The following WAC variants were observed in gnomAD, a reference collection of about 807,000 sequenced individuals.
WAC encodes the protein WW domain containing adaptor with coiled-coil, also known as WW domain-containing adapter protein with coiled-coil.
WAC carries 11 observed loss-of-function variants against 79.6 expected under a neutral mutation model. The observed-to-expected ratio is 0.14, with a 90% CI of 0.09 to 0.23. WAC has a LOEUF of 0.23. Ranked by LOEUF, WAC falls within the 10% of genes least tolerant of loss-of-function variation. The pLI, the probability that WAC is intolerant of heterozygous loss-of-function variation, is 1.00. For synonymous variants in WAC, 304 were observed against 276.9 expected, an observed-to-expected ratio of 1.10 and a Z score of -0.97; for missense variants, 728 against 773.5, an observed-to-expected ratio of 0.94 and a Z score of 0.70.
rs769642563 is a variant in WAC, at chr10:28,590,833, G to GT, written c.610+2dup. The GT allele has an allele frequency of 6.2e-7, 1 of 1,603,082 alleles. No individual in the cohort carries two copies. Among genetic ancestry groups the GT allele is most frequent in the East Asian group, 2.2e-5 (1 of 44,636 alleles). On this transcript the variant is annotated splice_donor_variant, in intron 6 of 13. Transcript: ENST00000354911. LOFTEE classifies it high-confidence loss of function. ...GCCACTAGTGGGTTTGCCAGTGGAA[G>GT]TAAGTATTAATTTTTTTTCTTTGAA...
At chr10:28,604,748 C>T (rs1840853100) in intron 7 of WAC, among the ~76,000 whole-genome samples, 1 of 152,106 alleles carries the variant, frequency 6.6e-6, no homozygotes, top group African/African-American at 2.4e-5. Context: ...CACAATTCCT[C>T]TCCCGAGGAA....
chr10:28,606,023 CATAAAATACA>C (rs1009394836), intron 7 of WAC, among the ~76,000 whole-genome samples: 1 of 151,092 alleles, frequency 6.6e-6, no homozygotes, highest in Admixed American at 6.6e-5. Context: ...TTGATTGCCC[CATAAAATACA>C]ATAGCTGACA....
chr10:28,579,919 G>T (rs947281774), intron 3 of WAC, among the ~76,000 whole-genome samples: 1 of 152,148 alleles, frequency 6.6e-6, no homozygotes, highest in African/African-American at 2.4e-5. Context: ...AAGATGTACT[G>T]CCTGCCATGC....
chr10:28,550,847 A>G (rs1387375635), intron 3 of WAC, among the ~76,000 whole-genome samples: 1 of 152,210 alleles, frequency 6.6e-6, no homozygotes, highest in Non-Finnish European at 1.5e-5. Flanking sequence ...TTGATGTGCT[A>G]ATTCCAAACC....
intron 6 of WAC, 115 bp downstream of exon 6, chr10:28,590,947 A>ATC (rs1307857462): frequency 1.7e-5 from 15 of 875,472 alleles, no homozygotes; most frequent in Non-Finnish European, 1.8e-6. Context: ...AAACATACGG[A>ATC]GATTCTTTTA....
intron 3 of WAC, among the ~76,000 whole-genome samples, chr10:28,536,877 T>C (rs1036982251): frequency 3.9e-5 from 6 of 152,210 alleles, no homozygotes; most frequent in Non-Finnish European, 8.8e-5. Context: ...AGATTTACAA[T>C]ATTAAAAGCT....
chr10:28,575,608 G>A (rs995001134), intron 3 of WAC, among the ~76,000 whole-genome samples: 2 of 152,108 alleles, frequency 1.3e-5, no homozygotes, highest in African/African-American at 2.4e-5. Context: ...TTTGATATGC[G>A]CTTTGGCAAT....
At chr10:28,603,791 G>C (rs1206804571) in intron 7 of WAC, among the ~76,000 whole-genome samples, 1 of 151,012 alleles carries the variant, frequency 6.6e-6, no homozygotes, top group African/African-American at 2.4e-5. Flanking sequence ...AAAATTAGCC[G>C]GTCGAGGTGG....
chr10:28,558,376 AG>A (rs1360279905), intron 3 of WAC, among the ~76,000 whole-genome samples: 1 of 152,206 alleles, frequency 6.6e-6, no homozygotes, highest in Non-Finnish European at 1.5e-5. Flanking sequence ...AGCAGCGCAA[AG>A]AAATTATTTG....
intron 7 of WAC, among the ~76,000 whole-genome samples, chr10:28,604,631 G>C (rs1306286543): frequency 6.6e-6 from 1 of 152,110 alleles, no homozygotes; most frequent in African/African-American, 2.4e-5. Context: ...TGAGGCAGGA[G>C]AATCACTTGA....
At chr10:28,619,477 C>A in intron 13 of WAC, 60 bp from the exon 14 acceptor site, 1 of 1,260,794 alleles carries the variant, frequency 7.9e-7, no homozygotes. Context: ...TATAAAAGCT[C>A]GGGTTTTCTG....
At chr10:28,570,884 A>G (rs1230554776) in intron 3 of WAC, among the ~76,000 whole-genome samples, 3 of 151,820 alleles carry the variant, frequency 2.0e-5, no homozygotes, top group African/African-American at 4.8e-5. Flanking sequence ...TGGGGAAAAA[A>G]TTAGATAACT....
intron 3 of WAC, among the ~76,000 whole-genome samples, chr10:28,568,250 G>T (rs372080828): frequency 6.6e-6 from 1 of 152,222 alleles, no homozygotes; most frequent in South Asian, 2.1e-4. Flanking sequence ...GTTTGCTGTC[G>T]GATTCATCTG....
At chr10:28,544,039 C>T (rs966657612) in intron 3 of WAC, among the ~76,000 whole-genome samples, 8 of 152,130 alleles carry the variant, frequency 5.3e-5, no homozygotes, top group Non-Finnish European at 8.8e-5. Flanking sequence ...CGCACTGCCA[C>T]GCCCAGCTAA....
intron 3 of WAC, among the ~76,000 whole-genome samples, chr10:28,547,243 T>G (rs1015270399): frequency 7.2e-5 from 11 of 152,214 alleles, no homozygotes; most frequent in Non-Finnish European, 1.5e-4. Context: ...CTTAAAGATT[T>G]CGGACTTTTG....
chr10:28,541,420 GTTTTTTTTTT>G lies in WAC; in HGVS notation c.274+5680_274+5689del, dbSNP rs869099181. On this transcript the variant is annotated intron_variant, in intron 3 of 13. Transcript: ENST00000354911. The stretch of plus-strand genomic sequence containing the variant: ...GTGGGGTTGTGTGTGTGTGTGTTTT[GTTTTTTTTTT>G]TTTTTTTTTTTTTTTTAAGACAGTC... Among the ~76,000 whole-genome samples, 12 of 49,220 alleles carry G rather than the reference GTTTTTTTTTT, an allele frequency of 2.4e-4. No homozygotes were observed. In the South Asian group the frequency reaches 5.4e-3, roughly 22 times the overall value. The allele number at this position is 49,220 out of a possible 152,430, so 32.3% of individuals were successfully genotyped here.
At chr10:28,590,321 A>G (rs1840022481) in intron 5 of WAC, among the ~76,000 whole-genome samples, 1 of 152,024 alleles carries the variant, frequency 6.6e-6, no homozygotes, top group Non-Finnish European at 1.5e-5. Flanking sequence ...CAAAAAAAAA[A>G]AAAAAAAAAA....
rs558879831 is a variant in WAC, at chr10:28,550,380, T to C, written c.274+14623T>C. Among the ~76,000 whole-genome samples, 480 of 151,814 alleles carry C rather than the reference T, an allele frequency of 3.2e-3. 5 individuals carry two copies. Among genetic ancestry groups the C allele is most frequent in the South Asian group, 6.3e-3 (30 of 4,800 alleles). On this transcript the variant is annotated intron_variant, in intron 3 of 13. Coordinates refer to ENST00000354911, the MANE Select transcript of WAC (RefSeq NM_016628.5). The stretch of plus-strand genomic sequence containing the variant: ...ACTCCTACCTCACCTTTTTTTTTTT[T>C]CCTTTGCCAAACCTCTTACTCCTTC...
At chr10:28,609,604 G>A (rs867140921) in intron 8 of WAC, among the ~76,000 whole-genome samples, 1 of 152,148 alleles carries the variant, frequency 6.6e-6, no homozygotes, top group Non-Finnish European at 1.5e-5. Flanking sequence ...GATAGTTTGA[G>A]GAGGCCAGAT....
Sources: allele counts gnomAD v4.1 joint callset (sites outside exome capture counted in the v4.1 genomes callset), GRCh38; gene constraint gnomAD v4.1.1; transcripts MANE v1.5; gene names NCBI Gene and HGNC (gene_info 2026-07-23, HGNC 2026-07-21).